THSD4: variants seen among roughly 807,000 people sequenced by gnomAD.
THSD4 encodes thrombospondin type 1 domain containing 4.
In THSD4, 69 loss-of-function variants were observed where a neutral mutation model predicts 119.0. The observed-to-expected ratio is 0.58, with a 90% confidence interval of 0.48 to 0.71. The LOEUF is 0.71. Among genes scored for constraint, THSD4 ranks in the 30% least tolerant of loss-of-function variants. THSD4 has a pLI of 0.00. For synonymous variants in THSD4, 524 were observed against 540.4 expected, an observed-to-expected ratio of 0.97 and a Z score of 0.42; for missense variants, 1,393 against 1,391.1, an observed-to-expected ratio of 1.00 and a Z score of -0.02.
rs1567076649 is a variant in THSD4, at chr15:71,639,845, A to AG, written c.1153-20685_1153-20684insG. Among the ~76,000 whole-genome samples the AG allele has an allele frequency of 9.9e-5, 15 of 152,118 alleles. No individual in the cohort carries two copies. In the East Asian group the frequency reaches 2.5e-3, roughly 25 times the overall value. ...AGATGTTTTTATTTAGCAAAAAAAA[A>AG]AAAAAGAAAAGAAAAGAAAAGCCAA... On this transcript the variant is annotated intron_variant, in intron 7 of 17. Transcript: ENST00000261862.
At chr15:71,751,832 T>A (rs986299690) in intron 14 of THSD4, among the ~76,000 whole-genome samples, 5 of 152,066 alleles carry the variant, frequency 3.3e-5, no homozygotes, top group Admixed American at 3.3e-4. Flanking sequence ...CATACACGGG[T>A]GATGTTTTAC....
At chr15:71,238,206 T>C (rs1039584751) in intron 4 of THSD4, among the ~76,000 whole-genome samples, 1 of 152,192 alleles carries the variant, frequency 6.6e-6, no homozygotes, top group Non-Finnish European at 1.5e-5. Context: ...AAACAAATCA[T>C]TAAAAATTGC....
At chr15:71,734,832 A>C (rs1274380867) in intron 10 of THSD4, among the ~76,000 whole-genome samples, 1 of 151,934 alleles carries the variant, frequency 6.6e-6, no homozygotes, top group African/African-American at 2.4e-5. Flanking sequence ...CTATTAAAAA[A>C]AAAAAAAGTC....
At chr15:71,314,057 G>A (rs563699960) in intron 6 of THSD4, among the ~76,000 whole-genome samples, 3 of 152,228 alleles carry the variant, frequency 2.0e-5, no homozygotes, top group South Asian at 4.1e-4. Context: ...AAAGTCCTGC[G>A]GCTTTTCTCA....
At chr15:71,145,526 C>G (rs1454704248) in intron 2 of THSD4, among the ~76,000 whole-genome samples, 1 of 152,052 alleles carries the variant, frequency 6.6e-6, no homozygotes, top group Admixed American at 6.6e-5. Flanking sequence ...TACTTTAATG[C>G]CTGTCAGCTA....
intron 6 of THSD4, among the ~76,000 whole-genome samples, chr15:71,321,088 T>C (rs1050322464): frequency 3.9e-5 from 6 of 152,202 alleles, no homozygotes; most frequent in African/African-American, 1.4e-4. Flanking sequence ...CCTTCTAAGG[T>C]TGACCCAAAA....
At chr15:71,209,678 A>T (rs1401551779) in intron 3 of THSD4, among the ~76,000 whole-genome samples, 2 of 151,952 alleles carry the variant, frequency 1.3e-5, no homozygotes, top group South Asian at 4.2e-4. Context: ...TTTACCCTAG[A>T]TTTTCTTAGG....
At chr15:71,494,719 A>T (rs1175619691) in intron 7 of THSD4, among the ~76,000 whole-genome samples, 1 of 152,182 alleles carries the variant, frequency 6.6e-6, no homozygotes, top group African/African-American at 2.4e-5. Flanking sequence ...GCCTCCATAC[A>T]TTGGGATGAA....
At position 71,211,128 on chromosome 15, in the gene THSD4, T is replaced by C. The variant is rs537483070; in HGVS notation, c.100-3907T>C. ...GTGAACATTCTTGCCATATCAGTAT[T>C]GTCAAACTTTATAATATTCGGCAGT... On this transcript the variant is annotated intron_variant, in intron 3 of 17. Transcript: ENST00000261862. Among the ~76,000 whole-genome samples the C allele has an allele frequency of 2.6e-5, 4 of 152,354 alleles. No homozygotes were observed. The East Asian group carries it at 5.8e-4, about 22-fold the overall frequency.
In THSD4 at chr15:71,129,181, A is replaced by G. The variant is rs2040481129; in HGVS notation, c.-79-12268A>G. ...GCATGAGCTGGTGACGGCTCCTTTT[A>G]TTCACCTTGGGCCATCAGCAGCAGG... On this transcript the variant is annotated intron_variant, in intron 1 of 17. Transcript: ENST00000261862. 2.0e-5 allele frequency among the ~76,000 whole-genome samples: 3 copies of G among 152,190 alleles called. No homozygotes were observed. The South Asian group carries it at 6.2e-4, about 32-fold the overall frequency.
chr15:71,327,255 C>T (rs1260090688), intron 6 of THSD4, among the ~76,000 whole-genome samples: 2 of 152,098 alleles, frequency 1.3e-5, no homozygotes, highest in African/African-American at 2.4e-5. Flanking sequence ...CCTTTTCTCC[C>T]CTGTGAAATA....
intron 7 of THSD4, among the ~76,000 whole-genome samples, chr15:71,444,805 C>T (rs1348292460): frequency 6.6e-6 from 1 of 152,214 alleles, no homozygotes; most frequent in Non-Finnish European, 1.5e-5. Flanking sequence ...TTGCAGTGGT[C>T]TACTAACTAG....
At chr15:71,425,020 C>CA (rs2046851016) in intron 7 of THSD4, among the ~76,000 whole-genome samples, 1 of 151,940 alleles carries the variant, frequency 6.6e-6, no homozygotes, top group Non-Finnish European at 1.5e-5. Flanking sequence ...CCCATCCCCC[C>CA]GAAAAAAGTG....
chr15:71,168,861 G>C (rs752002872), intron 3 of THSD4, among the ~76,000 whole-genome samples: 3 of 152,156 alleles, frequency 2.0e-5, no homozygotes, highest in Admixed American at 6.5e-5. Context: ...AAACAGTAAT[G>C]CTCCTAGAGG....
At chr15:71,256,577 G>A in intron 5 of THSD4, 36 bp from the exon 6 acceptor site, 3 of 1,570,222 alleles carry the variant, frequency 1.9e-6, no homozygotes, top group Non-Finnish European at 2.6e-6. Context: ...TGAAAAGTAT[G>A]GACACTAATT....
chr15:71,402,964 A>G (rs2046557191), intron 6 of THSD4, among the ~76,000 whole-genome samples: 1 of 152,228 alleles, frequency 6.6e-6, no homozygotes, highest in Non-Finnish European at 1.5e-5. Context: ...TAAATTGTGT[A>G]CATCATCTTT....
At chr15:71,533,609 A>G (rs61253998) in intron 7 of THSD4, among the ~76,000 whole-genome samples, 10,114 of 152,320 alleles carry the variant, frequency 0.066, 438 homozygotes, top group East Asian at 0.16. Context: ...GCTCATGTCC[A>G]CGATTCTCAG....
intron 4 of THSD4, among the ~76,000 whole-genome samples, chr15:71,238,190 T>C (rs1046950208): frequency 2.6e-5 from 4 of 152,202 alleles, no homozygotes; most frequent in African/African-American, 9.7e-5. Flanking sequence ...TTGTTAAATA[T>C]TGTTGAAACA....
chr15:71,248,742 C>G (rs1343333062), intron 5 of THSD4, among the ~76,000 whole-genome samples: 5 of 150,514 alleles, frequency 3.3e-5, no homozygotes, highest in South Asian at 2.3e-4. Context: ...GGCCGAATCT[C>G]AAATCTAGAT....
Sources: allele counts gnomAD v4.1 joint callset (sites outside exome capture counted in the v4.1 genomes callset), GRCh38; gene constraint gnomAD v4.1.1; transcripts MANE v1.5; gene names NCBI Gene and HGNC (gene_info 2026-07-23, HGNC 2026-07-21).